MYRFL: variants seen among roughly 807,000 people sequenced by gnomAD.
The protein encoded by MYRFL is myelin regulatory factor-like protein.
A neutral mutation model predicts 109.4 loss-of-function variants in MYRFL; 88 were observed. That is an observed-to-expected ratio of 0.80 (90% CI 0.68 to 0.96). The LOEUF (loss-of-function observed/expected upper bound fraction) is 0.96, where lower values mean the gene tolerates loss of function less well. Among genes scored for constraint, MYRFL ranks in the 40% least tolerant of loss-of-function variants. The probability of loss-of-function intolerance (pLI) is 0.00; values close to 1 mark genes in which losing one functional copy is unlikely to be tolerated. For missense variants in MYRFL, 957 were observed against 954.9 expected (o/e 1.00, Z -0.03); for synonymous variants, 324 against 320.9 (o/e 1.01, Z -0.10).
intron 1 of MYRFL, among the ~76,000 whole-genome samples, chr12:69,851,145 C>A (rs1380647514): frequency 1.3e-5 from 2 of 152,150 alleles, no homozygotes; most frequent in African/African-American, 4.8e-5. Flanking sequence ...ATCCTATAAA[C>A]AACTAGCCTG....
intron 19 of MYRFL, among the ~76,000 whole-genome samples, chr12:69,940,203 A>G (rs1443863877): frequency 1.3e-5 from 2 of 152,038 alleles, no homozygotes; most frequent in Non-Finnish European, 1.5e-5. Context: ...TACAGAGAAC[A>G]CCACAAAGAT....
chr12:69,938,567 C>T (rs1009816663), intron 19 of MYRFL, among the ~76,000 whole-genome samples: 1 of 151,956 alleles, frequency 6.6e-6, no homozygotes, highest in Non-Finnish European at 1.5e-5. Context: ...ATTATTATTG[C>T]CTGGTGATGT....
rs144670129 is a variant in MYRFL, at chr12:69,938,377, G to A, written c.2224+1745G>A. ...TAATAACAGATCCTGAATAGGAAGAGGTCGTAGACTGGTCCACTCTTCATT... is the reference window on the plus strand; with the variant it reads ...TAATAACAGATCCTGAATAGGAAGAAGTCGTAGACTGGTCCACTCTTCATT... On this transcript the variant is annotated intron_variant, in intron 19 of 24. Transcript: ENST00000552032. Among the ~76,000 whole-genome samples, 182 of 152,260 alleles carry A rather than the reference G, an allele frequency of 1.2e-3. 1 individual carries two copies. The East Asian group carries it at 0.034, about 28-fold the overall frequency.
intron 13 of MYRFL, among the ~76,000 whole-genome samples, chr12:69,925,050 C>A (rs920494113): frequency 6.6e-6 from 1 of 152,144 alleles, no homozygotes; most frequent in African/African-American, 2.4e-5. Flanking sequence ...CATATAACAC[C>A]TGATACAAGG....
chr12:69,862,749 C>T (rs960233978), intron 2 of MYRFL, among the ~76,000 whole-genome samples: 8 of 152,168 alleles, frequency 5.3e-5, no homozygotes, highest in Admixed American at 2.0e-4. Flanking sequence ...ATTTCCTTCT[C>T]CTGCCTGATT....
At chr12:69,907,859 T>A (rs572073071) in intron 11 of MYRFL, among the ~76,000 whole-genome samples, 2 of 152,078 alleles carry the variant, frequency 1.3e-5, no homozygotes, top group Non-Finnish European at 2.9e-5. Context: ...AGCTACTCAA[T>A]AGATATTTGT....
In MYRFL at chr12:69,903,746, G is replaced by C. The variant is rs1465495930; in HGVS notation, c.1285G>C (p.Asp429His). 5 of 1,535,854 alleles carry C rather than the reference G, an allele frequency of 3.3e-6. No individual in the cohort carries two copies. The highest frequency in any genetic ancestry group is 3.5e-6 in the Non-Finnish European group (4 of 1,146,688). Reference sequence around the variant, plus strand: ...TCACGGTCGAGTAGGAATCAACACAGATGCGCCGGACGAAGCCCTGGTTGT... The same window carrying C: ...TCACGGTCGAGTAGGAATCAACACACATGCGCCGGACGAAGCCCTGGTTGT... Reference protein sequence around the residue: ...VCHGRVGINTDAPDEALVVCG... With the variant: ...VCHGRVGINTHAPDEALVVCG... The change falls in exon 11 of 25, where the codon GAT becomes CAT. Residue 429 changes from aspartate to histidine, a missense_variant. Physicochemically the swap from Asp to His is moderately conservative, Grantham distance 81. Transcript: ENST00000552032.
Position 69,879,446 on chromosome 12 carries a change from A to G in MYRFL, c.457A>G (p.Ser153Gly), listed in dbSNP as rs1885919701. 3 of 701,076 alleles carry G rather than the reference A, an allele frequency of 4.3e-6. No homozygotes were observed. The highest frequency in any genetic ancestry group is 1.7e-5 in the African/African-American group (1 of 57,280). 43.4% of individuals were successfully genotyped at this position (701,076 alleles called of 1,614,324 possible). A position where few individuals can be genotyped will look rare whatever the true frequency, so the allele number is the denominator to read the frequency against. ...CSYPQQPLCH[S>G]PGASLPPTKK... ...TTACCCTCAGCAGCCTCTGTGTCAC[A>G]GCCCTGGGTAAAGAAAAAGATATTT... The change falls in exon 4 of 25, where the codon AGC becomes GGC. Residue 153 changes from serine (S) to glycine (G), a missense_variant. Coordinates refer to ENST00000552032, the MANE Select transcript of MYRFL (RefSeq NM_182530.3).
chr12:69,830,497 A>G (rs11177885), intron 1 of MYRFL, among the ~76,000 whole-genome samples: 2 of 151,098 alleles, frequency 1.3e-5, no homozygotes, highest in African/African-American at 4.9e-5. Context: ...ATATATATAT[A>G]TCTCTGTGGG....
At chr12:69,891,615 C>CTTTTGTTCTTTCTTTCTTTT (rs1566002094) in intron 7 of MYRFL, among the ~76,000 whole-genome samples, 2 of 113,096 alleles carry the variant, frequency 1.8e-5, no homozygotes, top group African/African-American at 8.7e-5. Flanking sequence ...CTCTTTCTTT[C>CTTTTGTTCTTTCTTTCTTTT]TTTCTTTCCT....
intron 1 of MYRFL, among the ~76,000 whole-genome samples, chr12:69,844,204 G>A (rs529505586): frequency 2.1e-4 from 32 of 152,270 alleles, no homozygotes; most frequent in Admixed American, 1.9e-3. Flanking sequence ...GTTACTGCAG[G>A]GATCATCTCT....
In MYRFL at chr12:69,877,832, T is replaced by C. The variant is rs78976355; in HGVS notation, c.138-1196T>C. ...TTCAAGCAAGAGAATCAAGTAGAGG[T>C]TGGGGTGCTTATGTATGATGCAGCA... On this transcript the variant is annotated intron_variant, in intron 2 of 24. Coordinates refer to ENST00000552032, the MANE Select transcript of MYRFL (RefSeq NM_182530.3). Among the ~76,000 whole-genome samples the C allele has an allele frequency of 3.4e-4, 52 of 152,264 alleles. No homozygotes were observed. The East Asian group carries it at 9.6e-3, about 28-fold the overall frequency.
intron 2 of MYRFL, among the ~76,000 whole-genome samples, chr12:69,856,215 CATA>C (rs1884274432): frequency 6.6e-6 from 1 of 152,140 alleles, no homozygotes; most frequent in Non-Finnish European, 1.5e-5. Flanking sequence ...TTTCATTTAG[CATA>C]ATGTCTTTGA....
intron 15 of MYRFL, among the ~76,000 whole-genome samples, chr12:69,930,507 G>C (rs1043607263): frequency 3.3e-5 from 5 of 152,082 alleles, no homozygotes; most frequent in Non-Finnish European, 7.4e-5. Context: ...ACTATTTGGA[G>C]GAGGAGAGGG....
intron 21 of MYRFL, 92 bp downstream of exon 21, chr12:69,952,978 G>A (rs1395906575): frequency 1.3e-6 from 1 of 763,346 alleles, no homozygotes; most frequent in Non-Finnish European, 2.1e-6. Flanking sequence ...AAAGCTACAT[G>A]ATAAAATCAA....
intron 22 of MYRFL, 115 bp from the exon 23 acceptor site, chr12:69,957,707 T>C (rs1956125952): frequency 1.9e-5 from 25 of 1,298,882 alleles, no homozygotes; most frequent in Non-Finnish European, 2.4e-5. Flanking sequence ...TATTGTGAAC[T>C]TTGAATGGAT....
At chr12:69,867,765 C>T (rs923984320) in intron 2 of MYRFL, among the ~76,000 whole-genome samples, 4 of 152,044 alleles carry the variant, frequency 2.6e-5, no homozygotes, top group Admixed American at 1.3e-4. Flanking sequence ...TTCAAAAGGG[C>T]GTGAGAGAGT....
intron 19 of MYRFL, among the ~76,000 whole-genome samples, chr12:69,939,573 A>G (rs1955578549): frequency 6.6e-6 from 1 of 152,142 alleles, no homozygotes; most frequent in Non-Finnish European, 1.5e-5. Flanking sequence ...AAAAGTAGAA[A>G]AAAACCACAA....
intron 1 of MYRFL, among the ~76,000 whole-genome samples, chr12:69,827,883 C>G (rs762456352): frequency 5.3e-5 from 8 of 151,940 alleles, no homozygotes; most frequent in Non-Finnish European, 7.4e-5. Flanking sequence ...TTCATGCACA[C>G]ACAAATACAT....
Sources: gnomAD v4.1 joint callset for allele counts (sites outside exome capture counted in the v4.1 genomes callset) on GRCh38, gnomAD v4.1.1 for gene constraint, MANE v1.5 for transcripts, NCBI Gene and HGNC (gene_info 2026-07-23, HGNC 2026-07-21) for gene names.